The following LRRC24 variants were observed in gnomAD, a reference collection of about 807,000 sequenced individuals.
LRRC24 encodes leucine rich repeat containing 24.
Under a neutral mutation model 15.3 loss-of-function variants are expected in LRRC24, and 19 were observed. The ratio of observed to expected loss-of-function variants is 1.25; its 90% CI spans 0.87 to 1.83. The LOEUF (loss-of-function observed/expected upper bound fraction) is 1.83. Ranked by LOEUF, LRRC24 falls within the 40% of genes most tolerant of loss-of-function variation. LRRC24 has a pLI of 0.00. For missense variants in LRRC24, 914 were observed against 723.9 expected (o/e 1.26, Z -3.01); for synonymous variants, 469 against 359.6 (o/e 1.30, Z -3.44).
chr8:144,523,225 C>T lies in LRRC24; in HGVS notation c.792G>A (p.Val264=), dbSNP rs763246224. The T allele has an allele frequency of 7.1e-5, 115 of 1,609,736 alleles. No homozygotes were observed. In the Admixed American group the frequency reaches 1.8e-3, roughly 26 times the overall value. The change falls in exon 5 of 5, where the codon GTG becomes GTA. Residue 264 remains valine (V), a synonymous_variant. Transcript: ENST00000529415. ...GGTTGGCTGTGAGCTCCAGCGGCTG[C>T]ACGTGGACAGAGGGCGGAATGCAGA... ...SLICIPPSVH[V]QPLELTANLG...
Position 144,522,529 on chromosome 8 carries a change from C to A in LRRC24, c.1488G>T (p.Gly496=), listed in dbSNP as rs541152921. Residue 496 remains glycine, a synonymous_variant, in exon 5 of 5, where the codon GGG becomes GGT. Coordinates refer to ENST00000529415, the MANE Select transcript of LRRC24 (RefSeq NM_001024678.4). ...EAPADCGPEQ[G]AGPGLRVPPP... Reference sequence around the variant, plus strand: ...GGGGCACGCGGAGTCCCGGCCCCGCCCCCTGTTCCGGGCCGCAGTCAGCGG... The same window carrying A: ...GGGGCACGCGGAGTCCCGGCCCCGCACCCTGTTCCGGGCCGCAGTCAGCGG... The A allele has an allele frequency of 1.3e-6, 2 of 1,520,322 alleles. No homozygotes were observed. The highest frequency in any genetic ancestry group is 2.1e-5 in the Admixed American group (1 of 46,896). 94.2% of individuals were successfully genotyped at this position (1,520,322 alleles called of 1,614,324 possible).
In LRRC24 at chr8:144,524,726, G is replaced by A. The variant is rs1365119792; in HGVS notation, c.160-7C>T. On this transcript the variant is annotated splice_polypyrimidine_tract_variant and splice_region_variant and intron_variant, in intron 2 of 4. Transcript: ENST00000529415. Reference sequence around the variant, plus strand: ...TGTCCTGCAGGAACAGTGTCTGCAGGCCGGGGAAAGAGGAGGCGCTTACCC... The same window carrying A: ...TGTCCTGCAGGAACAGTGTCTGCAGACCGGGGAAAGAGGAGGCGCTTACCC... 4 of 1,445,464 alleles carry A rather than the reference G, an allele frequency of 2.8e-6. No homozygotes were observed. Among genetic ancestry groups the A allele is most frequent in the East Asian group, 5.2e-5 (2 of 38,388 alleles). The allele number at this position is 1,445,464 out of a possible 1,614,324, so 89.5% of individuals were successfully genotyped here. A position where few individuals can be genotyped will look rare whatever the true frequency, so the allele number is the denominator to read the frequency against.
chr8:144,523,256 C>T lies in LRRC24; in HGVS notation c.761G>A (p.Ser254Asn), dbSNP rs1362637322. 1.9e-6 allele frequency: 3 copies of T among 1,610,534 alleles called. No individual in the cohort carries two copies. The highest frequency in any genetic ancestry group is 2.2e-5 in the East Asian group (1 of 44,792). The change falls in exon 5 of 5, where the codon AGC becomes AAC. Residue 254 changes from serine (S) to asparagine (N), a missense_variant. Physicochemically the swap from Ser to Asn is conservative, Grantham distance 46 (BLOSUM62 1). Coordinates refer to ENST00000529415, the MANE Select transcript of LRRC24 (RefSeq NM_001024678.4). The stretch of plus-strand genomic sequence containing the variant: ...GACAGAGGGCGGAATGCAGATGAGG[C>T]TGCTGTGGGATACGTCCAGGAGACT... ...LQSLLDVSHSSLICIPPSVHV... is the reference protein window; with the variant it reads ...LQSLLDVSHSNLICIPPSVHV...
intron 4 of LRRC24, 117 bp downstream of exon 4, chr8:144,523,993 G>T: frequency 8.2e-7 from 1 of 1,221,468 alleles, no homozygotes; most frequent in Non-Finnish European, 1.1e-6. Context: ...GCAGGCGGTG[G>T]TGCAGCCTTC....
intron 1 of LRRC24, among the ~76,000 whole-genome samples, chr8:144,525,393 G>C (rs1816326438): frequency 6.6e-6 from 1 of 152,200 alleles, no homozygotes. Flanking sequence ...GCTGCTGCTT[G>C]GTTCTAGGGT....
chr8:144,524,810 G>C lies in LRRC24; in HGVS notation c.159+6C>G. 3 of 1,460,660 alleles carry C rather than the reference G, an allele frequency of 2.1e-6. No homozygotes were observed. The highest frequency in any genetic ancestry group is 2.7e-6 in the Non-Finnish European group (3 of 1,107,648). 90.5% of individuals were successfully genotyped at this position (1,460,660 alleles called of 1,614,324 possible). A position where few individuals can be genotyped will look rare whatever the true frequency, so the allele number is the denominator to read the frequency against. On this transcript the variant is annotated splice_donor_region_variant and intron_variant, in intron 2 of 4. Transcript: ENST00000529415. Reference sequence around the variant, plus strand: ...CCGTCCTCCCGCAGCTCCACACGGTGCCCACCTGCGTCCCTGGCGGGATTC... The same window carrying C: ...CCGTCCTCCCGCAGCTCCACACGGTCCCCACCTGCGTCCCTGGCGGGATTC...
chr8:144,523,946 C>T, intron 4 of LRRC24, 164 bp downstream of exon 4: 1 of 794,178 alleles, frequency 1.3e-6, no homozygotes, highest in Non-Finnish European at 2.0e-6. Flanking sequence ...AGCTGTATTC[C>T]CCAGCACACC....
At position 144,524,424 on chromosome 8, in the gene LRRC24, A is replaced by C. The variant is rs1253244756; in HGVS notation, c.438+17T>G. ...CCATAATGGAGTATCCCGCCCCTTT[A>C]GACCCCAGGCGCTCACCGGCAGGTG... On this transcript the variant is annotated intron_variant, in intron 3 of 4. Coordinates refer to ENST00000529415, the MANE Select transcript of LRRC24 (RefSeq NM_001024678.4). The C allele has an allele frequency of 6.3e-7, 1 of 1,597,244 alleles. No individual in the cohort carries two copies. Among genetic ancestry groups the C allele is most frequent in the Admixed American group, 1.7e-5 (1 of 59,728 alleles).
rs1159709502 is a variant in LRRC24, at chr8:144,524,902, C to T, written c.73G>A (p.Ala25Thr). 5 of 1,515,002 alleles carry T rather than the reference C, an allele frequency of 3.3e-6. No individual in the cohort carries two copies. Among genetic ancestry groups the T allele is most frequent in the South Asian group, 1.2e-5 (1 of 82,816 alleles). The allele number at this position is 1,515,002 out of a possible 1,614,324, so 93.8% of individuals were successfully genotyped here. Residue 25 changes from alanine (A) to threonine (T), a missense_variant, in exon 2 of 5, where the codon GCA becomes ACA. Physicochemically the swap from Ala to Thr is moderately conservative, Grantham distance 58. Coordinates refer to ENST00000529415, the MANE Select transcript of LRRC24 (RefSeq NM_001024678.4). ...LLPLRAAGCP[A>T]ACRCYSATVE... ...GTGGCGCTGTAGCAGCGGCAGGCTG[C>T]TGGGCAGCCGGCGGCGCGGAGCGGC...
chr8:144,522,847 C>T lies in LRRC24; in HGVS notation c.1170G>A (p.Glu390=), dbSNP rs772985687. 5 of 1,344,634 alleles carry T rather than the reference C, an allele frequency of 3.7e-6. No homozygotes were observed. The highest frequency in any genetic ancestry group is 4.8e-6 in the Non-Finnish European group (5 of 1,052,396). 83.3% of individuals were successfully genotyped at this position (1,344,634 alleles called of 1,614,324 possible). ...GGGCGCGGAAGGCCATGCTGCCCGC[C>T]TCGGGCCGGGGCTCGCTGCCGGCGG... ...ARPAGSEPRP[E]AGSMAFRALG... is the part of the protein sequence containing the mutation. Residue 390 remains glutamate, a synonymous_variant, in exon 5 of 5, where the codon GAG becomes GAA. Transcript: ENST00000529415.
At chr8:144,525,203 C>A in intron 1 of LRRC24, 170 bp from the exon 2 acceptor site, 1 of 434,374 alleles carries the variant, frequency 2.3e-6, no homozygotes, top group Non-Finnish European at 3.9e-6. Context: ...TCTGGGGCAT[C>A]AGGTTCAAAT....
Position 144,522,994 on chromosome 8 carries a change from A to T in LRRC24, c.1023T>A (p.Gly341=). Residue 341 remains glycine (G), a synonymous_variant, in exon 5 of 5, where the codon GGT becomes GGA. Coordinates refer to ENST00000529415, the MANE Select transcript of LRRC24 (RefSeq NM_001024678.4). Reference sequence around the variant, plus strand: ...CGTTGGAGGCCTCGCACTCGTACTTACCGGCGTGCGCCAGCGTGATGTTGC... The same window carrying T: ...CGTTGGAGGCCTCGCACTCGTACTTTCCGGCGTGCGCCAGCGTGATGTTGC... ...FLSNITLAHA[G]KYECEASNAG... 1 of 1,595,820 alleles carries T rather than the reference A, an allele frequency of 6.3e-7. No homozygotes were observed.
chr8:144,523,583 C>G (rs987852314), intron 4 of LRRC24, 174 bp from the exon 5 acceptor site: 90 of 1,025,122 alleles, frequency 8.8e-5, no homozygotes, highest in Non-Finnish European at 1.1e-4. Context: ...GGGCGGCAGG[C>G]CCTTCACCCT....
chr8:144,525,901 G>A (rs573845208), intron 1 of LRRC24: 3 of 152,314 alleles, frequency 2.0e-5, no homozygotes, highest in African/African-American at 7.2e-5. Context: ...CAAGGAGCAG[G>A]GAGTTTGCTG....
chr8:144,524,878 T>A lies in LRRC24; in HGVS notation c.97A>T (p.Thr33Ser). The change falls in exon 2 of 5, where the codon ACG becomes TCG. Residue 33 changes from threonine (T) to serine (S), a missense_variant. Transcript: ENST00000529415. Reference protein sequence around the residue: ...CPAACRCYSATVECGALRLRV... With the variant: ...CPAACRCYSASVECGALRLRV... ...AACCGCAGGGCGCCACACTCCACCG[T>A]GGCGCTGTAGCAGCGGCAGGCTGCT... The A allele has an allele frequency of 6.6e-7, 1 of 1,512,944 alleles. No homozygotes were observed. The highest frequency in any genetic ancestry group is 8.8e-7 in the Non-Finnish European group (1 of 1,132,166). 93.7% of individuals were successfully genotyped at this position (1,512,944 alleles called of 1,614,324 possible). A position where few individuals can be genotyped will look rare whatever the true frequency, so the allele number is the denominator to read the frequency against.
At position 144,523,601 on chromosome 8, in the gene LRRC24, C is replaced by G. The variant is rs972781948; in HGVS notation, c.608-192G>C. On this transcript the variant is annotated intron_variant, in intron 4 of 4. Transcript: ENST00000529415. ...CGGCAGGCCCTTCACCCTCGCCCCC[C>G]TCCCCTTTAGCTCTGTGATGCCTGC... 2.5e-5 allele frequency: 21 copies of G among 838,030 alleles called. 1 individual carries two copies. The highest frequency in any genetic ancestry group is 3.7e-5 in the Admixed American group (1 of 26,780). 51.9% of individuals were successfully genotyped at this position (838,030 alleles called of 1,614,324 possible). A position where few individuals can be genotyped will look rare whatever the true frequency, so the allele number is the denominator to read the frequency against.
Position 144,522,513 on chromosome 8 carries a change from G to A in LRRC24, c.1504C>T (p.Arg502Cys), listed in dbSNP as rs765438374. 8 of 1,501,202 alleles carry A rather than the reference G, an allele frequency of 5.3e-6. No individual in the cohort carries two copies. The East Asian group carries it at 8.2e-5, about 15-fold the overall frequency. The allele number at this position is 1,501,202 out of a possible 1,614,324, so 93.0% of individuals were successfully genotyped here. Residue 502 changes from arginine (R) to cysteine (C), a missense_variant, in exon 5 of 5, where the codon CGC becomes TGC. By Grantham distance (180) the Arg-to-Cys change is radical. Coordinates refer to ENST00000529415, the MANE Select transcript of LRRC24 (RefSeq NM_001024678.4). ...TCGTAGGCGACCGGCGGGGGCACGCGGAGTCCCGGCCCCGCCCCCTGTTCC... is the reference window on the plus strand; with the variant it reads ...TCGTAGGCGACCGGCGGGGGCACGCAGAGTCCCGGCCCCGCCCCCTGTTCC... ...GPEQGAGPGL[R>C]VPPPVAYEIH...
In LRRC24 at chr8:144,524,097, G is replaced by T. The variant is rs747462589; in HGVS notation, c.607+13C>A. On this transcript the variant is annotated intron_variant, in intron 4 of 4. Coordinates refer to ENST00000529415, the MANE Select transcript of LRRC24 (RefSeq NM_001024678.4). Reference sequence around the variant, plus strand: ...CGTGGCCCAGACAGAGACGCTTTCCGAGGAAGAGGTACCTGTGAGGCGCAG... The same window carrying T: ...CGTGGCCCAGACAGAGACGCTTTCCTAGGAAGAGGTACCTGTGAGGCGCAG... 82 of 1,591,984 alleles carry T rather than the reference G, an allele frequency of 5.2e-5. 1 individual carries two copies. The East Asian group carries it at 1.8e-3, about 36-fold the overall frequency.
Position 144,522,881 on chromosome 8 carries a change from G to A in LRRC24, c.1136C>T (p.Ala379Val). 1.6e-6 allele frequency: 2 copies of A among 1,269,174 alleles called. No individual in the cohort carries two copies. Among genetic ancestry groups the A allele is most frequent in the Non-Finnish European group, 2.0e-6 (2 of 1,014,448 alleles). 78.6% of individuals were successfully genotyped at this position (1,269,174 alleles called of 1,614,324 possible). Residue 379 changes from alanine to valine, a missense_variant, in exon 5 of 5, where the codon GCC becomes GTC. Coordinates refer to ENST00000529415, the MANE Select transcript of LRRC24 (RefSeq NM_001024678.4). The stretch of plus-strand genomic sequence containing the variant: ...GGGCTCGCTGCCGGCGGGGCGGGCG[G>A]CCGGAGGCGGCGGTTGCGCGGGCTG... ...PQQPAQPPPP[A>V]ARPAGSEPRP... is the part of the protein sequence containing the mutation.
Sources: gnomAD v4.1 joint callset for allele counts (sites outside exome capture counted in the v4.1 genomes callset) on GRCh38, gnomAD v4.1.1 for gene constraint, MANE v1.5 for transcripts, NCBI Gene and HGNC (gene_info 2026-07-23, HGNC 2026-07-21) for gene names.